CHL1: variants seen among roughly 807,000 people sequenced by gnomAD.
The protein encoded by CHL1 is cell adhesion molecule L1 like.
In CHL1, 96 loss-of-function variants were observed where a neutral mutation model predicts 141.9. That is an observed-to-expected ratio of 0.68 (90% CI 0.57 to 0.80). The LOEUF is 0.80. Ranked by LOEUF, CHL1 falls within the 30% of genes least tolerant of loss-of-function variation. The probability of loss-of-function intolerance (pLI) is 0.00; values close to 1 mark genes in which losing one functional copy is unlikely to be tolerated. For synonymous variants in CHL1, 613 were observed against 502.2 expected (o/e 1.22, Z -2.95); for missense variants, 1,820 against 1,457.2 (o/e 1.25, Z -4.05).
At chr3:307,385 G>A (rs1699335699) in intron 2 of CHL1, among the ~76,000 whole-genome samples, 2 of 152,174 alleles carry the variant, frequency 1.3e-5, no homozygotes, top group African/African-American at 4.8e-5. Flanking sequence ...TGGAGTCCCA[G>A]CTGTTAAACC....
At chr3:354,544 G>T (rs961631816) in intron 10 of CHL1, 96 bp from the exon 11 acceptor site, 24 of 1,373,472 alleles carry the variant, frequency 1.7e-5, no homozygotes, top group African/African-American at 1.5e-4. Context: ...TGTGGTGTCT[G>T]CCCTCTGCTG....
chr3:394,821 C>T lies in CHL1; in HGVS notation c.3043C>T (p.Gln1015Ter). 1 of 1,614,032 alleles carries T rather than the reference C, an allele frequency of 6.2e-7. No individual in the cohort carries two copies. Among genetic ancestry groups the T allele is most frequent in the Non-Finnish European group, 8.5e-7 (1 of 1,179,938 alleles). Reference sequence around the variant, plus strand: ...ATTCTACTTGAGGGCTTGCACTTCACAGGGCTGTGGAAAACCGATCACGGA... The same window carrying T: ...ATTCTACTTGAGGGCTTGCACTTCATAGGGCTGTGGAAAACCGATCACGGA... The part of the protein sequence containing the change: ...YKFYLRACTS[Q>*]GCGKPITEES... Residue 1015 changes from glutamine to a stop codon, truncating the protein, a stop_gained, in exon 24 of 28, where the codon CAG (glutamine) becomes TAG (stop). Coordinates refer to ENST00000256509, the MANE Select transcript of CHL1 (RefSeq NM_006614.4). LOFTEE classifies it high-confidence loss of function.
intron 15 of CHL1, among the ~76,000 whole-genome samples, chr3:366,727 G>T (rs1039549800): frequency 6.6e-6 from 1 of 150,606 alleles, no homozygotes; most frequent in Admixed American, 6.6e-5. Context: ...CCTAGAAGAG[G>T]CTGCATACTA....
chr3:299,390 T>C (rs2124886339), intron 2 of CHL1, among the ~76,000 whole-genome samples: 1 of 152,198 alleles, frequency 6.6e-6, no homozygotes, highest in Middle Eastern at 3.4e-3. Context: ...CATATGGACA[T>C]GGGGGTGCTG....
intron 15 of CHL1, among the ~76,000 whole-genome samples, chr3:377,534 G>A (rs1575217876): frequency 6.6e-6 from 1 of 152,206 alleles, no homozygotes; most frequent in South Asian, 2.1e-4. Flanking sequence ...CTTTAAACAT[G>A]CCAGGCAACA....
chr3:202,772 G>T (rs1046698844), intron 1 of CHL1, among the ~76,000 whole-genome samples: 3 of 152,094 alleles, frequency 2.0e-5, no homozygotes, highest in Non-Finnish European at 2.9e-5. Flanking sequence ...TAATCTTCTT[G>T]GTTTAAATAG....
chr3:214,288 G>A (rs1257186536), intron 1 of CHL1, among the ~76,000 whole-genome samples: 2 of 152,098 alleles, frequency 1.3e-5, no homozygotes, highest in Non-Finnish European at 2.9e-5. Flanking sequence ...CTAGGGCCTG[G>A]TTTTCAGTCC....
At chr3:276,936 G>T (rs967334286) in intron 2 of CHL1, among the ~76,000 whole-genome samples, 1 of 146,068 alleles carries the variant, frequency 6.8e-6, no homozygotes, top group African/African-American at 2.5e-5. Context: ...CTCCGGGCCA[G>T]ATTATCCGGG....
intron 24 of CHL1, among the ~76,000 whole-genome samples, chr3:397,165 A>G (rs896684358): frequency 1.3e-5 from 2 of 152,016 alleles, no homozygotes; most frequent in African/African-American, 4.8e-5. Flanking sequence ...GCTTTACTCT[A>G]TTTTTCAAAA....
chr3:354,559 A>G (rs1703542935), intron 10 of CHL1, 81 bp from the exon 11 acceptor site: 2 of 1,481,928 alleles, frequency 1.3e-6, no homozygotes, highest in Non-Finnish European at 9.1e-7. Flanking sequence ...CTGCTGGTGC[A>G]AAGTAGAAAT....
At chr3:333,151 T>C (rs1701596973) in intron 5 of CHL1, among the ~76,000 whole-genome samples, 2 of 145,912 alleles carry the variant, frequency 1.4e-5, no homozygotes, top group South Asian at 2.2e-4. Context: ...TTTTTGCTGC[T>C]GCTGCAGAAA....
In CHL1 at chr3:326,017, TG is replaced by T; in HGVS notation, c.151del (p.Glu51SerfsTer33). 6.2e-7 allele frequency: 1 copy of T among 1,611,880 alleles called. No individual in the cohort carries two copies. The highest frequency in any genetic ancestry group is 8.5e-7 in the Non-Finnish European group (1 of 1,178,646). On this transcript the variant is annotated frameshift_variant, in exon 4 of 28. Coordinates refer to ENST00000256509, the MANE Select transcript of CHL1 (RefSeq NM_006614.4). LOFTEE classifies it high-confidence loss of function. ...SKVQVAFPFD[E>X]YFQIECEAKG... ...AAGTCCAAGTTGCCTTTCCCTTCGA[TG>T]AGTATTTTCAAATTGAATGTGAAGC...
intron 15 of CHL1, 124 bp from the exon 16 acceptor site, chr3:377,694 T>C (rs1427444338): frequency 1.2e-5 from 9 of 779,570 alleles, no homozygotes; most frequent in African/African-American, 1.8e-5. Flanking sequence ...CAAATTTGCA[T>C]TGCATAAAGT....
intron 16 of CHL1, among the ~76,000 whole-genome samples, chr3:379,836 A>G (rs1236267532): frequency 6.6e-6 from 1 of 152,150 alleles, no homozygotes; most frequent in Non-Finnish European, 1.5e-5. Flanking sequence ...CTTCTGATTT[A>G]CCAAAGCATC....
rs1559337766 is a variant in CHL1, at chr3:382,164, T to A, written c.1877-15T>A. 6.2e-7 allele frequency: 1 copy of A among 1,603,050 alleles called. No homozygotes were observed. The highest frequency in any genetic ancestry group is 8.5e-7 in the Non-Finnish European group (1 of 1,171,214). The stretch of plus-strand genomic sequence containing the variant: ...AAAGGCAATTATCTACATTTTCCCT[T>A]CCTTTATTAATTAGATGTTCCGGAT... On this transcript the variant is annotated splice_polypyrimidine_tract_variant and intron_variant, in intron 16 of 27. Transcript: ENST00000256509.
chr3:222,712 G>C (rs1231759467), intron 1 of CHL1, among the ~76,000 whole-genome samples: 1 of 152,136 alleles, frequency 6.6e-6, no homozygotes, highest in East Asian at 1.9e-4. Context: ...AATAGATAAT[G>C]AGATAACAGG....
chr3:384,048 G>T (rs1707375495), intron 19 of CHL1, among the ~76,000 whole-genome samples, 162 bp downstream of exon 19: 1 of 152,104 alleles, frequency 6.6e-6, no homozygotes, highest in South Asian at 2.1e-4. Context: ...AAAGATCATT[G>T]TGATTAAAAT....
At chr3:282,415 T>A (rs1354425849) in intron 2 of CHL1, among the ~76,000 whole-genome samples, 1 of 152,222 alleles carries the variant, frequency 6.6e-6, no homozygotes, top group Non-Finnish European at 1.5e-5. Context: ...ATACTTTCTT[T>A]TGTATTTTCC....
At chr3:226,729 A>G (rs1701387938) in intron 1 of CHL1, among the ~76,000 whole-genome samples, 1 of 152,200 alleles carries the variant, frequency 6.6e-6, no homozygotes, top group Non-Finnish European at 1.5e-5. Context: ...TTACAGGCGT[A>G]AGCCACCGCG....
Sources: gnomAD v4.1 joint callset for allele counts (sites outside exome capture counted in the v4.1 genomes callset) on GRCh38, gnomAD v4.1.1 for gene constraint, MANE v1.5 for transcripts, NCBI Gene and HGNC (gene_info 2026-07-23, HGNC 2026-07-21) for gene names.